The following C1GALT1 variants were observed in gnomAD, a reference collection of about 807,000 sequenced individuals.
C1GALT1 encodes glycoprotein-N-acetylgalactosamine 3-beta-galactosyltransferase 1.
Under a neutral mutation model 31.0 loss-of-function variants are expected in C1GALT1, and 11 were observed. The ratio of observed to expected loss-of-function variants is 0.36; its 90% confidence interval spans 0.22 to 0.59. The LOEUF is 0.59. Ranked by LOEUF, C1GALT1 falls within the 20% of genes least tolerant of loss-of-function variation. The pLI, the probability that C1GALT1 is intolerant of heterozygous loss-of-function variation, is 0.79. For synonymous variants in C1GALT1, 175 were observed against 143.6 expected, an observed-to-expected ratio of 1.22 and a Z score of -1.56; for missense variants, 424 against 425.2, an observed-to-expected ratio of 1.00 and a Z score of 0.03.
At chr7:7,209,869 G>A (rs529133178) in intron 1 of C1GALT1, among the ~76,000 whole-genome samples, 1 of 152,200 alleles carries the variant, frequency 6.6e-6, no homozygotes, top group East Asian at 1.9e-4. Context: ...TTTATAAAAC[G>A]GCCTATTTAT....
At chr7:7,216,057 C>A (rs1293874590) in intron 1 of C1GALT1, among the ~76,000 whole-genome samples, 4 of 151,914 alleles carry the variant, frequency 2.6e-5, no homozygotes, top group Non-Finnish European at 4.4e-5. Flanking sequence ...GTTGATCTTA[C>A]AACGCTTGCA....
In C1GALT1 at chr7:7,173,220, TG is replaced by T. The variant is rs1333877322; in HGVS notation, c.-18+15796del. On this transcript the variant is annotated intron_variant, in intron 2 of 3. Coordinates refer to the C1GALT1 transcript ENST00000429911. ...TTCTTGCTCTGGTTCACATGAGATC[TG>T]GTCATTTAAAAGTGTGTGGCATCAC... Among the ~76,000 whole-genome samples the T allele has an allele frequency of 5.9e-5, 9 of 151,948 alleles. 1 individual carries two copies. Among genetic ancestry groups the T allele is most frequent in the Admixed American group, 5.2e-4 (8 of 15,260 alleles).
At chr7:7,213,580 C>T (rs1782105062) in intron 1 of C1GALT1, among the ~76,000 whole-genome samples, 2 of 152,078 alleles carry the variant, frequency 1.3e-5, no homozygotes, top group East Asian at 1.9e-4. Flanking sequence ...GGACAATTTC[C>T]AGATTGGCAT....
At chr7:7,180,856 C>G (rs1389108406), upstream of C1GALT1, among the ~76,000 whole-genome samples, 1 of 149,422 alleles carries the variant, frequency 6.7e-6, no homozygotes, top group Non-Finnish European at 1.5e-5. Flanking sequence ...AAGATCACAC[C>G]TGTGAATAGC....
intron 1 of C1GALT1, among the ~76,000 whole-genome samples, chr7:7,197,780 A>G (rs1421800182): frequency 2.0e-5 from 3 of 152,038 alleles, no homozygotes; most frequent in African/African-American, 7.3e-5. Flanking sequence ...TTGGATTCCT[A>G]TGTATTTTAT....
At chr7:7,186,879 G>A (rs1374911846) in intron 1 of C1GALT1, among the ~76,000 whole-genome samples, 1 of 152,226 alleles carries the variant, frequency 6.6e-6, no homozygotes, top group Non-Finnish European at 1.5e-5. Context: ...GGGTGGAGTA[G>A]GATGCAGATT....
chr7:7,243,253 G>C (rs1235484669), intron 3 of C1GALT1, among the ~76,000 whole-genome samples: 1 of 152,068 alleles, frequency 6.6e-6, no homozygotes, highest in African/African-American at 2.4e-5. Flanking sequence ...AATTTTATCC[G>C]CTAAAGAGTG....
intron 1 of C1GALT1, chr7:7,183,589 A>G: frequency 1.0e-6 from 1 of 985,020 alleles, no homozygotes; most frequent in Non-Finnish European, 1.2e-6. Flanking sequence ...TTTGCTTTGA[A>G]TTTGGGTAAG....
chr7:7,164,606 T>C (rs368052369), intron 2 of C1GALT1, among the ~76,000 whole-genome samples: 3 of 152,146 alleles, frequency 2.0e-5, no homozygotes, highest in Admixed American at 6.5e-5. Flanking sequence ...GTGGGAAAAG[T>C]TGAGCTGTGA....
chr7:7,205,126 GT>G (rs1222168871), intron 1 of C1GALT1, among the ~76,000 whole-genome samples: 2 of 152,056 alleles, frequency 1.3e-5, no homozygotes, highest in African/African-American at 2.4e-5. Context: ...TCTCCCAACT[GT>G]TATCATAGAA....
chr7:7,175,245 G>C (rs1371468977), intron 2 of C1GALT1, among the ~76,000 whole-genome samples: 2 of 152,204 alleles, frequency 1.3e-5, no homozygotes, highest in African/African-American at 4.8e-5. Context: ...CCCTTAGCCT[G>C]TGTTCAGCTA....
intron 2 of C1GALT1, among the ~76,000 whole-genome samples, chr7:7,175,637 A>G (rs77181766): frequency 0.023 from 3,429 of 152,282 alleles, 134 homozygotes; most frequent in East Asian, 0.16. Flanking sequence ...AAAACAGAGG[A>G]GAGGATCTTG....
At chr7:7,230,362 T>G (rs1387240532) in intron 1 of C1GALT1, among the ~76,000 whole-genome samples, 1 of 152,168 alleles carries the variant, frequency 6.6e-6, no homozygotes, top group East Asian at 1.9e-4. Flanking sequence ...TTTTTTGTGG[T>G]ATCAATAAGC....
intron 1 of C1GALT1, among the ~76,000 whole-genome samples, chr7:7,218,816 A>G (rs1782371280): frequency 6.6e-6 from 1 of 151,686 alleles, no homozygotes; most frequent in Non-Finnish European, 1.5e-5. Flanking sequence ...AAATTGGTAT[A>G]CATCTCAAAC....
At chr7:7,174,559 T>C (rs1024539864) in intron 2 of C1GALT1, among the ~76,000 whole-genome samples, 3 of 150,926 alleles carry the variant, frequency 2.0e-5, no homozygotes, top group Admixed American at 1.3e-4. Context: ...CCGGGCAACA[T>C]AGTGAGAACT....
chr7:7,206,253 T>C (rs1488662562), intron 1 of C1GALT1, among the ~76,000 whole-genome samples: 1 of 152,176 alleles, frequency 6.6e-6, no homozygotes, highest in Non-Finnish European at 1.5e-5. Flanking sequence ...ACAATAATAC[T>C]AGAATTTATA....
At chr7:7,211,519 GA>G (rs1314726753) in intron 1 of C1GALT1, among the ~76,000 whole-genome samples, 2 of 152,164 alleles carry the variant, frequency 1.3e-5, no homozygotes, top group Non-Finnish European at 2.9e-5. Flanking sequence ...AACAGCAATG[GA>G]AACTCTGTCC....
intron 1 of C1GALT1, among the ~76,000 whole-genome samples, chr7:7,199,556 G>A (rs1363345573): frequency 2.0e-5 from 3 of 152,126 alleles, no homozygotes; most frequent in African/African-American, 7.2e-5. Flanking sequence ...TATTAGGTCT[G>A]CTTGGTGCAG....
upstream of C1GALT1, chr7:7,182,497 G>GCTCCGCCCTTCCCT (rs1780625862): frequency 6.6e-6 from 1 of 152,156 alleles, no homozygotes; most frequent in Non-Finnish European, 1.5e-5. Flanking sequence ...CGCCCCTCCC[G>GCTCCGCCCTTCCCT]CTCCGCCCTT....
Sources: gnomAD v4.1 joint callset for allele counts (sites outside exome capture counted in the v4.1 genomes callset) on GRCh38, gnomAD v4.1.1 for gene constraint, MANE v1.5 for transcripts, NCBI Gene and HGNC (gene_info 2026-07-23, HGNC 2026-07-21) for gene names.